The following AIM2 variants were observed in gnomAD, a reference collection of about 807,000 sequenced individuals.
AIM2 encodes absent in melanoma 2.
AIM2 carries 30 observed loss-of-function variants against 27.7 expected under a neutral mutation model. The ratio of observed to expected loss-of-function variants is 1.08; its 90% CI spans 0.81 to 1.47. The LOEUF (loss-of-function observed/expected upper bound fraction) is 1.47. Ranked by LOEUF, AIM2 falls within the 40% of genes most tolerant of loss-of-function variation. The pLI is 0.00. For synonymous variants in AIM2, 141 were observed against 145.3 expected (o/e 0.97, Z 0.21); for missense variants, 358 against 411.3 (o/e 0.87, Z 1.12).
rs555429584 is a variant in AIM2, at chr1:159,109,112, T to C, written c.-16+31319A>G. Among the ~76,000 whole-genome samples the C allele has an allele frequency of 3.9e-4, 60 of 152,140 alleles. 1 individual carries two copies. Among genetic ancestry groups the C allele is most frequent in the African/African-American group, 1.4e-3 (59 of 41,510 alleles). ...CAAGACTAAGCAAAAAGAACAAATA[T>C]GAAGGCATCAATATTACCTGATTTC... On this transcript the variant is annotated intron_variant, in intron 1 of 2. Transcript: ENST00000368129.
intron 2 of AIM2, among the ~76,000 whole-genome samples, chr1:159,069,093 T>C (rs1210073626): frequency 2.0e-5 from 3 of 151,752 alleles, no homozygotes; most frequent in Non-Finnish European, 4.4e-5. Flanking sequence ...TGAGTCATGA[T>C]TGCACCACTG....
At chr1:159,084,491 G>T (rs1013158382) in intron 1 of AIM2, among the ~76,000 whole-genome samples, 2 of 152,086 alleles carry the variant, frequency 1.3e-5, no homozygotes, top group African/African-American at 4.8e-5. Flanking sequence ...TTAAACCCAG[G>T]CCAGGCACGG....
chr1:159,127,166 AC>A (rs1647716318), intron 1 of AIM2, among the ~76,000 whole-genome samples: 1 of 152,210 alleles, frequency 6.6e-6, no homozygotes, highest in Non-Finnish European at 1.5e-5. Flanking sequence ...TCTTCAAAGA[AC>A]TAGTGATGTT....
intron 1 of AIM2, among the ~76,000 whole-genome samples, chr1:159,084,324 C>T (rs1656847849): frequency 6.6e-6 from 1 of 152,084 alleles, no homozygotes; most frequent in South Asian, 2.1e-4. Context: ...CTGGTTCTCG[C>T]TCACCACATC....
upstream of AIM2, chr1:159,081,435 GATA>G: frequency 2.3e-6 from 1 of 435,016 alleles, no homozygotes; most frequent in East Asian, 7.2e-5. Flanking sequence ...CAGGAGACAT[GATA>G]ATCTGTAGGA....
intron 1 of AIM2, among the ~76,000 whole-genome samples, chr1:159,106,244 C>A (rs1380206286): frequency 6.6e-6 from 1 of 152,194 alleles, no homozygotes; most frequent in Non-Finnish European, 1.5e-5. Context: ...TCCACCAACT[C>A]AGAAGCAGGC....
At chr1:159,109,299 A>T (rs1437889408) in intron 1 of AIM2, among the ~76,000 whole-genome samples, 1 of 152,146 alleles carries the variant, frequency 6.6e-6, no homozygotes, top group African/African-American at 2.4e-5. Context: ...ACAAAAACAC[A>T]AAGTGGGGAA....
At chr1:159,111,318 G>T (rs1164522053) in intron 1 of AIM2, among the ~76,000 whole-genome samples, 2 of 152,158 alleles carry the variant, frequency 1.3e-5, no homozygotes, top group East Asian at 3.8e-4. Context: ...CTGGCGTAGG[G>T]TCTATTAAAA....
intron 1 of AIM2, among the ~76,000 whole-genome samples, chr1:159,086,092 G>T (rs1196126307): frequency 6.6e-6 from 1 of 152,206 alleles, no homozygotes; most frequent in African/African-American, 2.4e-5. Flanking sequence ...CTCAGATCTA[G>T]CAAATCCTGT....
At chr1:159,130,442 T>C (rs540196066) in intron 1 of AIM2, among the ~76,000 whole-genome samples, 1 of 152,240 alleles carries the variant, frequency 6.6e-6, no homozygotes, top group African/African-American at 2.4e-5. Context: ...AAAGTGGAAA[T>C]ACTCATCTTC....
chr1:159,084,647 C>G lies in AIM2; in HGVS notation c.-15-18318G>C, dbSNP rs1233740584. On this transcript the variant is annotated intron_variant, in intron 1 of 2. Coordinates refer to the AIM2 transcript ENST00000368129. ...AATTAGCAGGGCTTGGTGACACATG[C>G]CTGTAGTCCCAATTACTTGGGAGGT... 1.3e-5 allele frequency among the ~76,000 whole-genome samples: 2 copies of G among 151,948 alleles called. 1 individual carries two copies. Among genetic ancestry groups the G allele is most frequent in the East Asian group, 3.9e-4 (2 of 5,190 alleles).
chr1:159,139,890 T>C (rs1235787531), intron 1 of AIM2, among the ~76,000 whole-genome samples: 1 of 152,184 alleles, frequency 6.6e-6, no homozygotes, highest in Non-Finnish European at 1.5e-5. Context: ...ATTTTAACAG[T>C]GATATAGAAA....
At chr1:159,057,925 T>G (rs1328143387), downstream of AIM2, among the ~76,000 whole-genome samples, 1 of 152,252 alleles carries the variant, frequency 6.6e-6, no homozygotes, top group Admixed American at 6.5e-5. Flanking sequence ...TGGAACTGTT[T>G]CACAAGGAGT....
chr1:159,127,988 C>T (rs963732660), intron 1 of AIM2, among the ~76,000 whole-genome samples: 3 of 152,140 alleles, frequency 2.0e-5, no homozygotes, highest in African/African-American at 4.8e-5. Flanking sequence ...TAATCTGTTC[C>T]CTTCATAACA....
chr1:159,134,198 A>G (rs863027), intron 1 of AIM2, among the ~76,000 whole-genome samples: 55,395 of 151,972 alleles, frequency 0.36, 11,161 homozygotes, highest in Admixed American at 0.49. Context: ...TTTCTTCTAT[A>G]TCTACCATTA....
intron 1 of AIM2, among the ~76,000 whole-genome samples, chr1:159,102,428 A>C (rs920815342): frequency 6.6e-6 from 1 of 152,250 alleles, no homozygotes; most frequent in Non-Finnish European, 1.5e-5. Flanking sequence ...CAGAGTCCCT[A>C]CTGGGGCACT....
At chr1:159,104,720 A>G (rs1384594469) in intron 1 of AIM2, among the ~76,000 whole-genome samples, 1 of 152,226 alleles carries the variant, frequency 6.6e-6, no homozygotes, top group Admixed American at 6.5e-5. Context: ...TGAGGTAGCT[A>G]CTGGAAAATT....
At chr1:159,108,690 A>C (rs1274142228) in intron 1 of AIM2, among the ~76,000 whole-genome samples, 1 of 152,256 alleles carries the variant, frequency 6.6e-6, no homozygotes, top group Non-Finnish European at 1.5e-5. Flanking sequence ...ATAATTCAGC[A>C]AAGTTTCGGG....
chr1:159,120,888 G>A (rs867581730), intron 1 of AIM2, among the ~76,000 whole-genome samples: 5 of 152,156 alleles, frequency 3.3e-5, no homozygotes, highest in African/African-American at 7.2e-5. Flanking sequence ...AAAACAACAC[G>A]GGCAACAACT....
Sources: allele counts gnomAD v4.1 joint callset (sites outside exome capture counted in the v4.1 genomes callset), GRCh38; gene constraint gnomAD v4.1.1; transcripts MANE v1.5; gene names NCBI Gene and HGNC (gene_info 2026-07-23, HGNC 2026-07-21).